Variants in COL19A1 observed in about 807,000 individuals in gnomAD.
COL19A1 encodes collagen alpha-1(XIX) chain.
In COL19A1, 159 loss-of-function variants were observed where a neutral mutation model predicts 190.2. The observed-to-expected ratio is 0.84, with a 90% CI of 0.73 to 0.95. The LOEUF is 0.95. Ranked by LOEUF, COL19A1 falls within the 40% of genes least tolerant of loss-of-function variation. The pLI is 0.00. For synonymous variants in COL19A1, 509 were observed against 458.9 expected, an observed-to-expected ratio of 1.11 and a Z score of -1.39; for missense variants, 1,418 against 1,431.9, an observed-to-expected ratio of 0.99 and a Z score of 0.16.
intron 15 of COL19A1, among the ~76,000 whole-genome samples, chr6:70,073,549 A>C (rs1038381945): frequency 1.3e-5 from 2 of 152,214 alleles, no homozygotes; most frequent in Non-Finnish European, 2.9e-5. Flanking sequence ...ATCAAGAAAA[A>C]ATATTTAAGA....
At chr6:70,143,786 C>CA (rs1786419765) in intron 23 of COL19A1, among the ~76,000 whole-genome samples, 1 of 151,786 alleles carries the variant, frequency 6.6e-6, no homozygotes, top group African/African-American at 2.4e-5. Flanking sequence ...CCACAATGCT[C>CA]AAAAACTGAG....
intron 9 of COL19A1, among the ~76,000 whole-genome samples, chr6:69,955,937 A>G (rs1220728728): frequency 6.6e-6 from 1 of 152,092 alleles, no homozygotes; most frequent in Non-Finnish European, 1.5e-5. Context: ...GCTCTCCACA[A>G]TGCAAATTAA....
At chr6:70,035,858 A>C (rs369064288) in intron 13 of COL19A1, 46 bp from the exon 14 acceptor site, 1 of 1,542,388 alleles carries the variant, frequency 6.5e-7, no homozygotes, top group Admixed American at 1.7e-5. Context: ...AATAATGTGC[A>C]AAAAGGGACT....
intron 12 of COL19A1, among the ~76,000 whole-genome samples, chr6:70,026,939 T>C (rs543919129): frequency 3.0e-4 from 45 of 152,310 alleles, no homozygotes; most frequent in African/African-American, 1.0e-3. Context: ...TGCTTATTTT[T>C]CAGTGCTAAA....
chr6:70,111,298 C>T (rs1222245872), intron 16 of COL19A1, among the ~76,000 whole-genome samples: 3 of 152,090 alleles, frequency 2.0e-5, no homozygotes, highest in African/African-American at 7.2e-5. Flanking sequence ...AAAGTAAAGA[C>T]TGAAGGAAAT....
intron 9 of COL19A1, among the ~76,000 whole-genome samples, chr6:69,953,210 A>C (rs775055923): frequency 6.6e-6 from 1 of 152,040 alleles, no homozygotes; most frequent in Non-Finnish European, 1.5e-5. Flanking sequence ...TAAAACAAGA[A>C]TGTTTTCCAC....
At chr6:69,921,443 A>C (rs1175353831) in intron 4 of COL19A1, among the ~76,000 whole-genome samples, 1 of 90,038 alleles carries the variant, frequency 1.1e-5, no homozygotes, top group Admixed American at 1.1e-4. Flanking sequence ...TATCATATAT[A>C]TCATATATCA....
At chr6:70,117,283 A>C (rs1784633661) in intron 16 of COL19A1, among the ~76,000 whole-genome samples, 1 of 152,206 alleles carries the variant, frequency 6.6e-6, no homozygotes, top group South Asian at 2.1e-4. Context: ...GTGAAAATGC[A>C]GCTAAGACTA....
At chr6:69,938,747 A>G (rs1213177739) in intron 9 of COL19A1, among the ~76,000 whole-genome samples, 1 of 152,074 alleles carries the variant, frequency 6.6e-6, no homozygotes, top group East Asian at 1.9e-4. Flanking sequence ...TGGACCTCTA[A>G]GTGTGTAATT....
intron 14 of COL19A1, among the ~76,000 whole-genome samples, chr6:70,044,478 C>T (rs1322114649): frequency 1.3e-5 from 2 of 152,178 alleles, no homozygotes; most frequent in Non-Finnish European, 2.9e-5. Flanking sequence ...GTACACTTTC[C>T]TCACTAAGTT....
rs191177459 is a variant in COL19A1 at position 69,941,119 on chromosome 6, A to C, written c.936+3019A>C. On this transcript the variant is annotated intron_variant, in intron 9 of 50. Transcript: ENST00000620364. Reference sequence around the variant, plus strand: ...ACTAAGGGAATCAGATGTTGTTCTAAAGGTTTTCTTTTTGATCTGTAAGCC... The same window carrying C: ...ACTAAGGGAATCAGATGTTGTTCTACAGGTTTTCTTTTTGATCTGTAAGCC... 5.0e-4 allele frequency among the ~76,000 whole-genome samples: 76 copies of C among 152,264 alleles called. 1 individual carries two copies. Among genetic ancestry groups the C allele is most frequent in the Admixed American group, 1.7e-3 (26 of 15,286 alleles).
chr6:70,102,933 C>G (rs943855289), intron 16 of COL19A1, among the ~76,000 whole-genome samples: 1 of 152,146 alleles, frequency 6.6e-6, no homozygotes, highest in Admixed American at 6.6e-5. Flanking sequence ...CCTTGAAACT[C>G]CCTATTCTGT....
chr6:70,121,157 T>A (rs1414858308), intron 16 of COL19A1, among the ~76,000 whole-genome samples: 4 of 152,186 alleles, frequency 2.6e-5, no homozygotes, highest in Non-Finnish European at 5.9e-5. Context: ...TCTAAAATAA[T>A]GCTAATCTTT....
chr6:70,145,722 CTTTT>C (rs56306364), intron 25 of COL19A1, among the ~76,000 whole-genome samples: 3 of 128,162 alleles, frequency 2.3e-5, no homozygotes, highest in Non-Finnish European at 4.9e-5. Flanking sequence ...CTTATTGTTT[CTTTT>C]TTTTTTTTTT....
intron 31 of COL19A1, among the ~76,000 whole-genome samples, chr6:70,152,838 T>A (rs889070548): frequency 6.6e-6 from 1 of 152,132 alleles, no homozygotes; most frequent in Non-Finnish European, 1.5e-5. Flanking sequence ...TACTTAGGGT[T>A]CTTTAAGGAT....
At chr6:70,134,716 T>C (rs2150227574) in intron 18 of COL19A1, among the ~76,000 whole-genome samples, 1 of 152,320 alleles carries the variant, frequency 6.6e-6, no homozygotes, top group Non-Finnish European at 1.5e-5. Context: ...AAATTAGTAC[T>C]GAGGTGAGTC....
chr6:70,192,362 G>T (rs1380818164), intron 48 of COL19A1, among the ~76,000 whole-genome samples: 1 of 152,088 alleles, frequency 6.6e-6, no homozygotes, highest in Admixed American at 6.5e-5. Flanking sequence ...TGATATGACA[G>T]TTTACTAATA....
chr6:70,084,075 A>G (rs1464884850), intron 15 of COL19A1, among the ~76,000 whole-genome samples: 2 of 152,184 alleles, frequency 1.3e-5, no homozygotes, highest in Admixed American at 1.3e-4. Flanking sequence ...TCCCTTTTAC[A>G]CAAAGATTTA....
intron 6 of COL19A1, among the ~76,000 whole-genome samples, chr6:69,931,239 G>A (rs1288837426): frequency 6.6e-6 from 1 of 151,796 alleles, no homozygotes; most frequent in East Asian, 1.9e-4. Flanking sequence ...CTGATATGAA[G>A]ATTTTTTTTT....
Sources: gnomAD v4.1 joint callset for allele counts (sites outside exome capture counted in the v4.1 genomes callset) on GRCh38, gnomAD v4.1.1 for gene constraint, MANE v1.5 for transcripts, NCBI Gene and HGNC (gene_info 2026-07-23, HGNC 2026-07-21) for gene names.